STARD13: variants seen among roughly 807,000 people sequenced by gnomAD.
STARD13 encodes StAR related lipid transfer domain containing 13, also known as stAR-related lipid transfer protein 13.
A neutral mutation model predicts 106.4 loss-of-function variants in STARD13; 62 were observed. That is an observed-to-expected ratio of 0.58 (90% CI 0.48 to 0.72). The LOEUF is 0.72. Ranked by LOEUF, STARD13 falls within the 30% of genes least tolerant of loss-of-function variation. STARD13 has a pLI of 0.00. For synonymous variants in STARD13, 565 were observed against 553.0 expected (o/e 1.02, Z -0.31); for missense variants, 1,387 against 1,424.0 (o/e 0.97, Z 0.42).
chr13:33,342,906 A>G (rs1039920355), intron 1 of STARD13, among the ~76,000 whole-genome samples: 2 of 152,202 alleles, frequency 1.3e-5, no homozygotes, highest in Non-Finnish European at 2.9e-5. Context: ...TTGCACTCTA[A>G]CCAAAGAGCC....
intron 3 of STARD13, among the ~76,000 whole-genome samples, chr13:33,154,448 C>T (rs1212498268): frequency 1.3e-5 from 2 of 152,192 alleles, no homozygotes; most frequent in South Asian, 4.1e-4. Flanking sequence ...TATATGTATG[C>T]TGTCCAGGGA....
At chr13:33,616,343 G>A in the STARD13 span, among the ~76,000 whole-genome samples, 2 of 152,194 alleles carry the variant, frequency 1.3e-5, no homozygotes, top group Admixed American at 6.5e-5. Context: ...GCACCCTCAC[G>A]TAAAGTGAGA....
chr13:33,664,998 T>G, the STARD13 span, among the ~76,000 whole-genome samples: 1 of 152,196 alleles, frequency 6.6e-6, no homozygotes, highest in Non-Finnish European at 1.5e-5. Context: ...GTGTGAGAAA[T>G]GTTTTGTAAA....
intron 1 of STARD13, among the ~76,000 whole-genome samples, chr13:33,242,065 G>C (rs1443873259): frequency 6.6e-6 from 1 of 150,512 alleles, no homozygotes; most frequent in African/African-American, 2.5e-5. Context: ...GAGCGCCTCT[G>C]CCTGGCCGCA....
At chr13:33,609,728 G>A in the STARD13 span, among the ~76,000 whole-genome samples, 12 of 151,862 alleles carry the variant, frequency 7.9e-5, no homozygotes, top group African/African-American at 1.9e-4. Flanking sequence ...CACCACGCCC[G>A]GCTAATTTTT....
chr13:33,125,531 T>C, intron 7 of STARD13, among the ~76,000 whole-genome samples: 1 of 152,186 alleles, frequency 6.6e-6, no homozygotes, highest in East Asian at 1.9e-4. Flanking sequence ...GAATCAACTC[T>C]ATAAAATGAG....
chr13:33,308,212 A>G (rs1325142163), intron 1 of STARD13, among the ~76,000 whole-genome samples: 1 of 152,220 alleles, frequency 6.6e-6, no homozygotes, highest in Non-Finnish European at 1.5e-5. Context: ...TCTGTTTCCC[A>G]ATTAGCTGTT....
At chr13:33,528,514 T>G in the STARD13 span, among the ~76,000 whole-genome samples, 1 of 151,534 alleles carries the variant, frequency 6.6e-6, no homozygotes, top group African/African-American at 2.4e-5. Context: ...CCTCAAGGGA[T>G]CTCTTGTCTC....
chr13:33,294,108 G>T (rs767339447), intron 1 of STARD13, among the ~76,000 whole-genome samples: 2 of 152,168 alleles, frequency 1.3e-5, no homozygotes, highest in Non-Finnish European at 1.5e-5. Context: ...CAAACCTCTT[G>T]CTCCACAAAG....
At chr13:33,209,802 C>T (rs535050615) in intron 1 of STARD13, among the ~76,000 whole-genome samples, 2 of 152,096 alleles carry the variant, frequency 1.3e-5, no homozygotes, top group South Asian at 2.1e-4. Context: ...GACACCCTGT[C>T]TCCACACAAA....
At chr13:33,463,837 C>T in the STARD13 span, among the ~76,000 whole-genome samples, 1 of 151,868 alleles carries the variant, frequency 6.6e-6, no homozygotes, top group Non-Finnish European at 1.5e-5. Flanking sequence ...CGTGTCAAAA[C>T]CCCATTTCTA....
At chr13:33,579,706 A>G in the STARD13 span, among the ~76,000 whole-genome samples, 1 of 151,164 alleles carries the variant, frequency 6.6e-6, no homozygotes, top group Non-Finnish European at 1.5e-5. Flanking sequence ...AATATACAAA[A>G]AAAACTCTTA....
chr13:33,523,251 T>C, the STARD13 span, among the ~76,000 whole-genome samples: 1 of 152,116 alleles, frequency 6.6e-6, no homozygotes, highest in Non-Finnish European at 1.5e-5. Flanking sequence ...TGGTTGTGGC[T>C]GTATTTCTCT....
the STARD13 span, among the ~76,000 whole-genome samples, chr13:33,451,817 T>C: frequency 6.6e-6 from 1 of 152,024 alleles, no homozygotes; most frequent in African/African-American, 2.4e-5. Context: ...GAAAGTGATA[T>C]GGTATATAAC....
chr13:33,217,768 AAATT>A (rs1364182150), intron 1 of STARD13, among the ~76,000 whole-genome samples: 5 of 152,332 alleles, frequency 3.3e-5, no homozygotes, highest in African/African-American at 1.2e-4. Flanking sequence ...GTTAAGCTCA[AAATT>A]GTTTTTTAAA....
chr13:33,364,590 C>T, the STARD13 span, among the ~76,000 whole-genome samples: 2 of 151,978 alleles, frequency 1.3e-5, no homozygotes, highest in Non-Finnish European at 2.9e-5. Flanking sequence ...AATAGAATAA[C>T]GATTAAGAAA....
chr13:33,670,930 C>A, the STARD13 span, among the ~76,000 whole-genome samples: 1 of 152,134 alleles, frequency 6.6e-6, no homozygotes, highest in Non-Finnish European at 1.5e-5. Context: ...TATTGTTTCC[C>A]GTTAATTTGC....
chr13:33,118,986 A>T (rs776842980), intron 7 of STARD13, among the ~76,000 whole-genome samples: 15 of 152,060 alleles, frequency 9.9e-5, no homozygotes, highest in Non-Finnish European at 1.8e-4. Context: ...TTGTCATATC[A>T]TGCCTTTTTC....
rs7321222 is a variant in STARD13, at chr13:33,266,636, G to A, written c.169+18834C>T. ...TTAGGACAACTCTGCGATTTTGCCC[G>A]GTGGAAATACAGCTTCTTCCCATGG... is the stretch of plus-strand genomic sequence containing the variant. On this transcript the variant is annotated intron_variant, in intron 1 of 13. Transcript: ENST00000336934. Among the ~76,000 whole-genome samples the A allele has an allele frequency of 3.7e-3, 563 of 152,190 alleles. 12 individuals carry two copies. Among genetic ancestry groups the A allele is most frequent in the Admixed American group, 0.015 (222 of 15,288 alleles).
Sources: gnomAD v4.1 joint callset for allele counts (sites outside exome capture counted in the v4.1 genomes callset) on GRCh38, gnomAD v4.1.1 for gene constraint, MANE v1.5 for transcripts, NCBI Gene and HGNC (gene_info 2026-07-23, HGNC 2026-07-21) for gene names.